EPB41L4A: variants seen among roughly 807,000 people sequenced by gnomAD.
EPB41L4A encodes band 4.1-like protein 4A.
In EPB41L4A, 100 loss-of-function variants were observed where a neutral mutation model predicts 108.6. The ratio of observed to expected loss-of-function variants is 0.92; its 90% CI spans 0.78 to 1.09. EPB41L4A has a LOEUF of 1.09. EPB41L4A is among the 50% of genes least tolerant of loss of function. The probability of loss-of-function intolerance (pLI) is 0.00; values close to 1 mark genes in which losing one functional copy is unlikely to be tolerated. For synonymous variants in EPB41L4A, 319 were observed against 289.0 expected, an observed-to-expected ratio of 1.10 and a Z score of -1.05; for missense variants, 1,030 against 842.7, an observed-to-expected ratio of 1.22 and a Z score of -2.75.
chr5:112,361,328 G>C (rs577324798), intron 1 of EPB41L4A, among the ~76,000 whole-genome samples: 28 of 152,230 alleles, frequency 1.8e-4, no homozygotes, highest in South Asian at 1.0e-3. Context: ...CAGCATGCTC[G>C]TTAAGAGTCA....
chr5:112,284,901 A>G (rs1358967412), intron 2 of EPB41L4A, among the ~76,000 whole-genome samples: 1 of 152,190 alleles, frequency 6.6e-6, no homozygotes, highest in South Asian at 2.1e-4. Flanking sequence ...TTGGCTGATA[A>G]CTTCTCAATT....
intron 12 of EPB41L4A, among the ~76,000 whole-genome samples, chr5:112,231,791 CAAAAAAAAAA>C (rs777370941): frequency 1.1e-4 from 4 of 37,618 alleles, no homozygotes; most frequent in African/African-American, 3.6e-4. Context: ...GACTCCGTCT[CAAAAAAAAAA>C]AAAAAAAAAA....
Position 112,234,730 on chromosome 5 carries a change from G to C in EPB41L4A, c.991C>G (p.Arg331Gly). ...YSGRTALQMS[R>G]DLSIQLPRPD... ...CGGGGAAGCTGAATAGAAAGATCTC[G>C]GCTCATTTGCAAAGCTGTCCTGCCA... is the stretch of plus-strand genomic sequence containing the variant. Residue 331 changes from arginine to glycine, a missense_variant, in exon 12 of 23, where the codon CGA (arginine) becomes GGA (glycine). Transcript: ENST00000261486. The C allele has an allele frequency of 6.2e-7, 1 of 1,611,584 alleles. No individual in the cohort carries two copies. Among genetic ancestry groups the C allele is most frequent in the Non-Finnish European group, 8.5e-7 (1 of 1,178,306 alleles).
intron 12 of EPB41L4A, among the ~76,000 whole-genome samples, chr5:112,229,907 G>A (rs1156520110): frequency 2.0e-5 from 3 of 150,568 alleles, no homozygotes; most frequent in African/African-American, 4.9e-5. Flanking sequence ...AGAATGGTGT[G>A]AACCCAGGAG....
At chr5:112,272,210 C>A (rs1403456567) in intron 4 of EPB41L4A, among the ~76,000 whole-genome samples, 1 of 149,078 alleles carries the variant, frequency 6.7e-6, no homozygotes, top group East Asian at 2.0e-4. Context: ...TCTTGGCTCA[C>A]TGCAACCTCC....
At chr5:112,167,259 G>A (rs1760307412) in intron 22 of EPB41L4A, among the ~76,000 whole-genome samples, 1 of 152,036 alleles carries the variant, frequency 6.6e-6, no homozygotes, top group Non-Finnish European at 1.5e-5. Flanking sequence ...GTAGTACACA[G>A]AGATGAAACA....
At position 112,418,956 on chromosome 5, in the gene EPB41L4A, C is replaced by T; in HGVS notation, c.84G>A (p.Gln28=). The T allele has an allele frequency of 1.9e-6, 3 of 1,613,036 alleles. No homozygotes were observed. Among genetic ancestry groups the T allele is most frequent in the Non-Finnish European group, 1.7e-6 (2 of 1,179,392 alleles). The change falls in exon 1 of 23, where the codon CAG becomes CAA. Residue 28 remains glutamine, a synonymous_variant. Transcript: ENST00000261486. ...LDESKLTLTT[Q]QQGIKKSTKG... is the part of the protein sequence containing the mutation. The stretch of plus-strand genomic sequence containing the variant: ...CCGCACCCACCTTGATGCCCTGCTG[C>T]TGGGTGGTAAGGGTTAACTTGGATT...
intron 1 of EPB41L4A, among the ~76,000 whole-genome samples, chr5:112,337,477 T>G (rs966567099): frequency 3.9e-5 from 6 of 152,180 alleles, no homozygotes; most frequent in Admixed American, 3.9e-4. Flanking sequence ...TTGAACTGTT[T>G]CCATGCAGTA....
At chr5:112,167,688 C>G (rs932844098) in intron 22 of EPB41L4A, among the ~76,000 whole-genome samples, 2 of 152,150 alleles carry the variant, frequency 1.3e-5, no homozygotes, top group African/African-American at 2.4e-5. Flanking sequence ...CGGATCAGCT[C>G]TTGCCTCTGC....
At chr5:112,343,154 CTTTGAAGCATTAA>C (rs1757426364) in intron 1 of EPB41L4A, among the ~76,000 whole-genome samples, 1 of 152,132 alleles carries the variant, frequency 6.6e-6, no homozygotes, top group Non-Finnish European at 1.5e-5. Context: ...TTCTCAAGTG[CTTTGAAGCATTAA>C]TTGATTCCAT....
At chr5:112,338,607 C>G (rs1012730666) in intron 1 of EPB41L4A, among the ~76,000 whole-genome samples, 1 of 152,242 alleles carries the variant, frequency 6.6e-6, no homozygotes, top group Non-Finnish European at 1.5e-5. Flanking sequence ...CACCCCCCGC[C>G]ACCACACACA....
intron 2 of EPB41L4A, among the ~76,000 whole-genome samples, chr5:112,280,666 A>G (rs918633952): frequency 5.9e-5 from 9 of 152,226 alleles, no homozygotes; most frequent in Non-Finnish European, 1.2e-4. Flanking sequence ...AAAGAGAAAG[A>G]TGATGCTGAC....
At chr5:112,267,470 A>G (rs1461343198) in intron 4 of EPB41L4A, among the ~76,000 whole-genome samples, 4 of 152,214 alleles carry the variant, frequency 2.6e-5, no homozygotes, top group Admixed American at 6.5e-5. Context: ...TATGTTTCAG[A>G]GAAAATTTGC....
intron 1 of EPB41L4A, among the ~76,000 whole-genome samples, chr5:112,399,980 T>C (rs1358535344): frequency 2.0e-5 from 3 of 152,238 alleles, no homozygotes; most frequent in Admixed American, 6.5e-5. Flanking sequence ...CGTTCTTGCA[T>C]TGCTATAAAG....
chr5:112,335,790 A>G (rs1234157968), intron 1 of EPB41L4A, among the ~76,000 whole-genome samples: 5 of 152,166 alleles, frequency 3.3e-5, no homozygotes, highest in Non-Finnish European at 7.3e-5. Context: ...CAATATAATA[A>G]AAACAAAAAC....
chr5:112,324,653 C>T lies in EPB41L4A; in HGVS notation c.100-17163G>A, dbSNP rs1756023510. 2.8e-5 allele frequency among the ~76,000 whole-genome samples: 4 copies of T among 141,536 alleles called. No individual in the cohort carries two copies. In the South Asian group the frequency reaches 6.8e-4, roughly 24 times the overall value. The allele number at this position is 141,536 out of a possible 152,430, so 92.9% of individuals were successfully genotyped here. A position where few individuals can be genotyped will look rare whatever the true frequency, so the allele number is the denominator to read the frequency against. On this transcript the variant is annotated intron_variant, in intron 1 of 22. Transcript: ENST00000261486. The stretch of plus-strand genomic sequence containing the variant: ...CAGGAGAATCACTTGAACCCAGGGG[C>T]GGAAGTTGCAGTGAGCCGAGATCAC...
At chr5:112,372,731 T>C (rs1759568536) in intron 1 of EPB41L4A, among the ~76,000 whole-genome samples, 1 of 152,120 alleles carries the variant, frequency 6.6e-6, no homozygotes, top group African/African-American at 2.4e-5. Context: ...ATTCACAGTG[T>C]AATGGAAGCC....
chr5:112,406,894 T>A (rs1762105275), intron 1 of EPB41L4A, among the ~76,000 whole-genome samples: 1 of 152,094 alleles, frequency 6.6e-6, no homozygotes, highest in Admixed American at 6.6e-5. Context: ...ACTCCAAATG[T>A]CCATGTCAGG....
In EPB41L4A at chr5:112,167,123, CAAAA is replaced by C. The variant is rs10642511; in HGVS notation, c.1932+1612_1932+1615del. 4.0e-3 allele frequency among the ~76,000 whole-genome samples: 439 copies of C among 110,578 alleles called. 3 individuals carry two copies. Among genetic ancestry groups the C allele is most frequent in the African/African-American group, 0.013 (395 of 29,832 alleles). The allele number at this position is 110,578 out of a possible 152,430, so 72.5% of individuals were successfully genotyped here. A position where few individuals can be genotyped will look rare whatever the true frequency, so the allele number is the denominator to read the frequency against. Reference sequence around the variant, plus strand: ...TATTGAAACCAACTAAAATTTAAGACAAAAAAAAAAAAAAAAACACCGAAAGATA... The same window carrying C: ...TATTGAAACCAACTAAAATTTAAGACAAAAAAAAAAAAACACCGAAAGATA... On this transcript the variant is annotated intron_variant, in intron 22 of 22. Coordinates refer to ENST00000261486, the MANE Select transcript of EPB41L4A (RefSeq NM_022140.5).
Sources: gnomAD v4.1 joint callset for allele counts (sites outside exome capture counted in the v4.1 genomes callset) on GRCh38, gnomAD v4.1.1 for gene constraint, MANE v1.5 for transcripts, NCBI Gene and HGNC (gene_info 2026-07-23, HGNC 2026-07-21) for gene names.